Variants in DIPK1A observed in about 807,000 individuals in gnomAD.
The protein encoded by DIPK1A is divergent protein kinase domain 1A, also known as family with sequence similarity 69 member A.
DIPK1A carries 27 observed loss-of-function variants against 40.8 expected under a neutral mutation model. That is an observed-to-expected ratio of 0.66 (90% CI 0.49 to 0.91). DIPK1A has a LOEUF of 0.91. Ranked by LOEUF, DIPK1A falls within the 40% of genes least tolerant of loss-of-function variation. DIPK1A has a pLI of 0.00. For synonymous variants in DIPK1A, 166 were observed against 171.3 expected (o/e 0.97, Z 0.24); for missense variants, 412 against 505.7 (o/e 0.81, Z 1.78).
intron 1 of DIPK1A, among the ~76,000 whole-genome samples, chr1:92,899,947 C>T (rs887139146): frequency 2.0e-5 from 3 of 151,898 alleles, no homozygotes; most frequent in African/African-American, 7.3e-5. Flanking sequence ...TTCAGCACAT[C>T]CCATTCTCTC....
At chr1:92,894,068 C>T (rs1163889577) in intron 1 of DIPK1A, among the ~76,000 whole-genome samples, 1 of 151,918 alleles carries the variant, frequency 6.6e-6, no homozygotes, top group Non-Finnish European at 1.5e-5. Context: ...ACTTTAACAC[C>T]CCACTGTCAA....
rs979212593 is a variant in DIPK1A at position 92,843,161 on chromosome 1, C to T, written c.*222G>A. 5.5e-5 allele frequency: 71 copies of T among 1,279,688 alleles called. No homozygotes were observed. In the African/African-American group the frequency reaches 6.3e-4, roughly 11 times the overall value. The allele number at this position is 1,279,688 out of a possible 1,614,324, so 79.3% of individuals were successfully genotyped here. Reference sequence around the variant, plus strand: ...AAATAGTTACACAATGAATGTACTTCGGAGATGTAACAGGGCTTCTAAAAG... The same window carrying T: ...AAATAGTTACACAATGAATGTACTTTGGAGATGTAACAGGGCTTCTAAAAG... On this transcript the variant is annotated 3_prime_UTR_variant, in exon 5 of 5. Coordinates refer to ENST00000370310, the MANE Select transcript of DIPK1A (RefSeq NM_001006605.5).
chr1:92,846,608 T>C, intron 4 of DIPK1A: 1 of 414,952 alleles, frequency 2.4e-6, no homozygotes, highest in Non-Finnish European at 4.8e-6. Context: ...AAGTAAACAT[T>C]CTCCAACACA....
At chr1:92,849,338 G>T (rs577467930) in intron 3 of DIPK1A, among the ~76,000 whole-genome samples, 217 of 148,820 alleles carry the variant, frequency 1.5e-3, no homozygotes, top group Middle Eastern at 0.01. Context: ...ATCTTGTCTG[G>T]TTTTTTTTTG....
At chr1:92,952,775 A>T (rs1361743237) in intron 1 of DIPK1A, among the ~76,000 whole-genome samples, 2 of 152,024 alleles carry the variant, frequency 1.3e-5, no homozygotes, top group African/African-American at 4.8e-5. Flanking sequence ...TTTTTTTTAA[A>T]AAAAAATACA....
intron 2 of DIPK1A, among the ~76,000 whole-genome samples, chr1:92,871,147 C>CTATTCTTT (rs1188644448): frequency 1.3e-5 from 2 of 151,884 alleles, no homozygotes; most frequent in South Asian, 4.2e-4. Context: ...TTTGGACTGA[C>CTATTCTTT]TATTCTTTTA....
chr1:92,945,523 A>T (rs1018043751), intron 1 of DIPK1A, among the ~76,000 whole-genome samples: 1 of 152,216 alleles, frequency 6.6e-6, no homozygotes, highest in African/African-American at 2.4e-5. Flanking sequence ...TTATAGAATC[A>T]TATTTTAGGG....
Position 92,869,339 on chromosome 1 carries a change from T to A in DIPK1A, c.189+6957A>T, listed in dbSNP as rs189415921. On this transcript the variant is annotated intron_variant, in intron 2 of 4. Transcript: ENST00000370310. Reference sequence around the variant, plus strand: ...CCATGCCCAGCTAACTTTTTATTTTTTGTAGAGATGGATTCTCACTATGTT... The same window carrying A: ...CCATGCCCAGCTAACTTTTTATTTTATGTAGAGATGGATTCTCACTATGTT... Among the ~76,000 whole-genome samples the A allele has an allele frequency of 3.4e-3, 518 of 152,108 alleles. 3 individuals are homozygous for A. Among genetic ancestry groups the A allele is most frequent in the African/African-American group, 0.012 (488 of 41,512 alleles).
intron 1 of DIPK1A, chr1:92,877,198 A>G (rs1648170683): frequency 1.1e-6 from 1 of 920,514 alleles, no homozygotes; most frequent in Non-Finnish European, 1.3e-6. Flanking sequence ...GGGCTGGTTG[A>G]TGCCTTTTTT....
rs1227379987 is a variant in DIPK1A at position 92,833,469 on chromosome 1, C to G, written c.475-435G>C. The G allele has an allele frequency of 2.5e-6, 4 of 1,613,656 alleles. No homozygotes were observed. The highest frequency in any genetic ancestry group is 3.4e-6 in the Non-Finnish European group (4 of 1,179,754). ...TTAGAAGACGACGAGGTACTGTCAC[C>G]TTTTTGTGTTTACAATATTAATCTG... On this transcript the variant is annotated intron_variant, in intron 4 of 4. Transcript: ENST00000615519.
intron 2 of DIPK1A, among the ~76,000 whole-genome samples, chr1:92,858,250 T>G (rs1389333276): frequency 2.0e-5 from 3 of 152,200 alleles, no homozygotes. Context: ...GATTTAAACA[T>G]GACTCTTTCC....
downstream of DIPK1A, chr1:92,840,972 G>A (rs114907162): frequency 3.4e-4 from 144 of 427,092 alleles, no homozygotes; most frequent in African/African-American, 2.8e-3. Flanking sequence ...ATAAAGTGAT[G>A]TGATGGCCCA....
chr1:92,837,551 T>C, downstream of DIPK1A: 2 of 1,612,146 alleles, frequency 1.2e-6, no homozygotes, highest in African/African-American at 1.3e-5. Context: ...GCAGATTACA[T>C]GCGCTACTTA....
At chr1:92,889,457 A>AG (rs1648759345) in intron 1 of DIPK1A, among the ~76,000 whole-genome samples, 1 of 152,018 alleles carries the variant, frequency 6.6e-6, no homozygotes, top group African/African-American at 2.4e-5. Context: ...CTTTTTTCTC[A>AG]GGATTACTTT....
chr1:92,913,857 T>C lies in DIPK1A; in HGVS notation c.55-37427A>G, dbSNP rs370901899. ...TTAGAAAATCAAGAATAGATCAATA[T>C]TACCATTCTGGAAAAAGGTAAGCTA... On this transcript the variant is annotated intron_variant, in intron 1 of 4. Transcript: ENST00000370310. Among the ~76,000 whole-genome samples, 7 of 152,294 alleles carry C rather than the reference T, an allele frequency of 4.6e-5. No individual in the cohort carries two copies. In the East Asian group the frequency reaches 5.8e-4, roughly 13 times the overall value.
intron 1 of DIPK1A, among the ~76,000 whole-genome samples, chr1:92,880,726 T>G (rs1356330015): frequency 6.6e-6 from 1 of 151,654 alleles, no homozygotes; most frequent in Non-Finnish European, 1.5e-5. Flanking sequence ...AAAAATTGGC[T>G]GGGCGTGGTG....
In DIPK1A at chr1:92,842,800, C is replaced by T; in HGVS notation, c.*583G>A. 1 of 985,362 alleles carries T rather than the reference C, an allele frequency of 1.0e-6. No homozygotes were observed. Among genetic ancestry groups the T allele is most frequent in the Non-Finnish European group, 1.2e-6 (1 of 829,912 alleles). The allele number at this position is 985,362 out of a possible 1,614,324, so 61.0% of individuals were successfully genotyped here. A position where few individuals can be genotyped will look rare whatever the true frequency, so the allele number is the denominator to read the frequency against. On this transcript the variant is annotated 3_prime_UTR_variant, in exon 5 of 5. Coordinates refer to ENST00000370310, the MANE Select transcript of DIPK1A (RefSeq NM_001006605.5). ...AAGTATAAGATTTCTTGAAGTAAGC[C>T]ACTTGAACCATTGTGAAGCTACACA...
intron 1 of DIPK1A, among the ~76,000 whole-genome samples, chr1:92,908,794 G>T (rs1020872778): frequency 3.3e-5 from 5 of 152,102 alleles, no homozygotes; most frequent in Non-Finnish European, 7.4e-5. Context: ...CCAAAGAGGG[G>T]ACAAAGGGGC....
intron 1 of DIPK1A, among the ~76,000 whole-genome samples, chr1:92,939,073 C>T (rs893995506): frequency 4.6e-5 from 7 of 151,706 alleles, no homozygotes; most frequent in Admixed American, 2.0e-4. Flanking sequence ...GCTAATTTTT[C>T]GTATTTTTAG....
Sources: allele counts gnomAD v4.1 joint callset (sites outside exome capture counted in the v4.1 genomes callset), GRCh38; gene constraint gnomAD v4.1.1; transcripts MANE v1.5; gene names NCBI Gene and HGNC (gene_info 2026-07-23, HGNC 2026-07-21).